ZNF701: variants seen among roughly 807,000 people sequenced by gnomAD.
ZNF701 encodes zinc finger protein 701.
Under a neutral mutation model 7.1 loss-of-function variants are expected in ZNF701, and 6 were observed. The ratio of observed to expected loss-of-function variants is 0.84; its 90% CI spans 0.46 to 1.66. ZNF701 has a LOEUF of 1.66. ZNF701 is among the 40% of genes most tolerant of loss of function. ZNF701 has a pLI of 0.01. For missense variants in ZNF701, 541 were observed against 559.2 expected (o/e 0.97, Z 0.33); for synonymous variants, 166 against 188.2 (o/e 0.88, Z 0.97).
chr19:52,581,296 C>G (rs1182634212), intron 3 of ZNF701, among the ~76,000 whole-genome samples: 1 of 151,274 alleles, frequency 6.6e-6, no homozygotes, highest in Non-Finnish European at 1.5e-5. Flanking sequence ...CTCAGCTCAC[C>G]ACAATCTTGG....
At chr19:52,596,223 TC>T in the ZNF701 span, 3 of 544,090 alleles carry the variant, frequency 5.5e-6, no homozygotes, top group Non-Finnish European at 1.0e-5. Context: ...TGTGGCAAAG[TC>T]TTTCATCAGA....
the ZNF701 span, chr19:52,596,843 C>G: frequency 1.8e-6 from 1 of 546,274 alleles, no homozygotes; most frequent in African/African-American, 1.9e-5. Flanking sequence ...TCATCATAGA[C>G]TTCATACTGT....
In ZNF701 at chr19:52,582,651, C is replaced by T. The variant is rs2059983118; in HGVS notation, c.592C>T (p.Gln198Ter). ...ISNKYRNNFL[Q>*]SSLLTQKREV... Reference sequence around the variant, plus strand: ...TAATAAGTATAGGAATAATTTCCTCCAGTCTTCATTACTCACACAAAAACG... The same window carrying T: ...TAATAAGTATAGGAATAATTTCCTCTAGTCTTCATTACTCACACAAAAACG... The change falls in exon 4 of 4, where the codon CAG becomes TAG. Residue 198 changes from glutamine (Q) to a stop codon, truncating the protein, a stop_gained. Coordinates refer to ENST00000391785, the MANE Select transcript of ZNF701 (RefSeq NM_018260.3). LOFTEE classifies it low-confidence loss of function (END_TRUNC). The T allele has an allele frequency of 6.2e-7, 1 of 1,614,120 alleles. No homozygotes were observed. Among genetic ancestry groups the T allele is most frequent in the Non-Finnish European group, 8.5e-7 (1 of 1,180,018 alleles).
At chr19:52,587,528 C>A (rs1397750733), downstream of ZNF701, among the ~76,000 whole-genome samples, 6 of 152,270 alleles carry the variant, frequency 3.9e-5, no homozygotes, top group Middle Eastern at 6.8e-3. Flanking sequence ...CTATGGAAAC[C>A]TTTGTGATCT....
the ZNF701 span, chr19:52,597,750 G>A: frequency 9.4e-6 from 2 of 213,806 alleles, no homozygotes; most frequent in Non-Finnish European, 9.6e-6. Context: ...GGGCCAGAGG[G>A]TGATCGTCAT....
the ZNF701 span, among the ~76,000 whole-genome samples, chr19:52,599,496 C>T: frequency 6.6e-6 from 1 of 152,136 alleles, no homozygotes; most frequent in Non-Finnish European, 1.5e-5. Flanking sequence ...AGAGATAAGA[C>T]CTCCTCGGAT....
downstream of ZNF701, among the ~76,000 whole-genome samples, chr19:52,589,742 A>T (rs1317306488): frequency 6.6e-6 from 1 of 152,100 alleles, no homozygotes; most frequent in Non-Finnish European, 1.5e-5. Context: ...ATATCTTCCA[A>T]CAGGCTTTTC....
Position 52,576,903 on chromosome 19 carries a change from C to A in ZNF701, c.142+882C>A, listed in dbSNP as rs180742446. Among the ~76,000 whole-genome samples the A allele has an allele frequency of 2.6e-5, 4 of 152,234 alleles. No homozygotes were observed. In the East Asian group the frequency reaches 7.7e-4, roughly 29 times the overall value. Reference sequence around the variant, plus strand: ...AGAGTGAAGTGAAAATATCAAAAAACTCCAGATGGGTGGGAATGTATTATA... The same window carrying A: ...AGAGTGAAGTGAAAATATCAAAAAAATCCAGATGGGTGGGAATGTATTATA... On this transcript the variant is annotated intron_variant, in intron 3 of 3. Transcript: ENST00000391785.
Position 52,582,708 on chromosome 19 carries a change from C to A in ZNF701, c.649C>A (p.Arg217Ser). Residue 217 changes from arginine (R) to serine (S), a missense_variant, in exon 4 of 4, where the codon CGT (arginine) becomes AGT (serine). Coordinates refer to ENST00000391785, the MANE Select transcript of ZNF701 (RefSeq NM_018260.3). Reference sequence around the variant, plus strand: ...ACACACAAGAGAAAAATCTTTCCAACGTAATGAGAGTGGCAAAGCCTTTAA... The same window carrying A: ...ACACACAAGAGAAAAATCTTTCCAAAGTAATGAGAGTGGCAAAGCCTTTAA... Reference protein sequence around the residue: ...EVHTREKSFQRNESGKAFNGS... With the variant: ...EVHTREKSFQSNESGKAFNGS... 1 of 1,614,080 alleles carries A rather than the reference C, an allele frequency of 6.2e-7. No homozygotes were observed. The highest frequency in any genetic ancestry group is 8.5e-7 in the Non-Finnish European group (1 of 1,180,018).
chr19:52,583,730 C>G lies in ZNF701; in HGVS notation c.*273C>G. On this transcript the variant is annotated 3_prime_UTR_variant, in exon 4 of 4. Coordinates refer to ENST00000391785, the MANE Select transcript of ZNF701 (RefSeq NM_018260.3). ...ACAAGTGTAATGAGTGTGGCAGAGC[C>G]TTTGGTGGTCAGTCAACACTTACTC... 2 of 738,942 alleles carry G rather than the reference C, an allele frequency of 2.7e-6. No individual in the cohort carries two copies. The highest frequency in any genetic ancestry group is 3.1e-5 in the South Asian group (2 of 63,850). The allele number at this position is 738,942 out of a possible 1,614,324, so 45.8% of individuals were successfully genotyped here. A position where few individuals can be genotyped will look rare whatever the true frequency, so the allele number is the denominator to read the frequency against.
chr19:52,578,189 G>C (rs2059948656), intron 3 of ZNF701, among the ~76,000 whole-genome samples: 1 of 140,852 alleles, frequency 7.1e-6, no homozygotes, highest in Non-Finnish European at 1.5e-5. Context: ...GGGAGGCAGA[G>C]CTTGCAGTGA....
the ZNF701 span, chr19:52,598,574 CT>C: frequency 6.6e-6 from 1 of 152,042 alleles, no homozygotes; most frequent in Non-Finnish European, 1.5e-5. Context: ...GCAAAACTGC[CT>C]ATTACTCCCA....
At chr19:52,577,577 TGAAGGGACATGGTGA>T (rs1284127958) in intron 3 of ZNF701, among the ~76,000 whole-genome samples, 2 of 151,532 alleles carry the variant, frequency 1.3e-5, no homozygotes, top group Non-Finnish European at 2.9e-5. Context: ...GGTGAGGTGC[TGAAGGGACATGGTGA>T]GAAGTGACCT....
intron 1 of ZNF701, among the ~76,000 whole-genome samples, chr19:52,571,205 G>T (rs1397680306): frequency 1.3e-5 from 2 of 151,260 alleles, no homozygotes; most frequent in African/African-American, 4.9e-5. Flanking sequence ...AGGTAGAGAG[G>T]GGCAGCAAAG....
At position 52,579,463 on chromosome 19, in the gene ZNF701, T is replaced by C. The variant is rs930336547; in HGVS notation, c.143-2739T>C. Among the ~76,000 whole-genome samples, 13 of 126,426 alleles carry C rather than the reference T, an allele frequency of 1.0e-4. 3 individuals are homozygous for C. Among genetic ancestry groups the C allele is most frequent in the African/African-American group, 5.0e-4 (13 of 26,050 alleles). The allele number at this position is 126,426 out of a possible 152,430, so 82.9% of individuals were successfully genotyped here. A position where few individuals can be genotyped will look rare whatever the true frequency, so the allele number is the denominator to read the frequency against. ...TGAACCTGGGAGGCGGGGGTTGCAGTGATCCGAGATTGTGCCATTGCACTC... is the reference window on the plus strand; with the variant it reads ...TGAACCTGGGAGGCGGGGGTTGCAGCGATCCGAGATTGTGCCATTGCACTC... On this transcript the variant is annotated intron_variant, in intron 3 of 3. Coordinates refer to ENST00000391785, the MANE Select transcript of ZNF701 (RefSeq NM_018260.3).
downstream of ZNF701, chr19:52,592,103 G>C: frequency 1.9e-6 from 2 of 1,074,296 alleles, no homozygotes; most frequent in Non-Finnish European, 2.8e-6. Context: ...TCATTTTAGG[G>C]ACACTAGACT....
chr19:52,579,741 G>A (rs900309645), intron 3 of ZNF701, among the ~76,000 whole-genome samples: 1 of 138,354 alleles, frequency 7.2e-6, no homozygotes, highest in Non-Finnish European at 1.5e-5. Context: ...AGGCACGGTC[G>A]TGGGTGGCAG....
At chr19:52,577,024 A>T (rs1032649074) in intron 3 of ZNF701, among the ~76,000 whole-genome samples, 2 of 152,180 alleles carry the variant, frequency 1.3e-5, no homozygotes, top group Admixed American at 6.6e-5. Flanking sequence ...ATTCTGTTGG[A>T]AAAGGAAAGT....
downstream of ZNF701, among the ~76,000 whole-genome samples, chr19:52,589,572 C>T (rs1000821025): frequency 1.3e-5 from 2 of 151,696 alleles, no homozygotes; most frequent in African/African-American, 4.8e-5. Flanking sequence ...CTCCACCTCC[C>T]GGGTTCAAGC....
Sources: allele counts gnomAD v4.1 joint callset (sites outside exome capture counted in the v4.1 genomes callset), GRCh38; gene constraint gnomAD v4.1.1; transcripts MANE v1.5; gene names NCBI Gene and HGNC (gene_info 2026-07-23, HGNC 2026-07-21).